ERBB4: variants seen among roughly 807,000 people sequenced by gnomAD.
ERBB4 encodes the protein erb-b2 receptor tyrosine kinase 4.
ERBB4 carries 42 observed loss-of-function variants against 158.0 expected under a neutral mutation model. That is an observed-to-expected ratio of 0.27 (90% confidence interval 0.21 to 0.34). The LOEUF (loss-of-function observed/expected upper bound fraction) is 0.34, where lower values mean the gene tolerates loss of function less well. Among genes scored for constraint, ERBB4 ranks in the 10% least tolerant of loss-of-function variants. The pLI, the probability that ERBB4 is intolerant of heterozygous loss-of-function variation, is 1.00. For missense variants in ERBB4, 1,333 were observed against 1,624.1 expected (o/e 0.82, Z 3.08); for synonymous variants, 583 against 558.7 (o/e 1.04, Z -0.61).
rs962907418 is a variant in ERBB4 at position 211,485,765 on chromosome 2, G to A, written c.2488-54665C>T. 7.9e-5 allele frequency among the ~76,000 whole-genome samples: 12 copies of A among 151,440 alleles called. 1 individual carries two copies. The highest frequency in any genetic ancestry group is 2.9e-4 in the African/African-American group (12 of 41,156). On this transcript the variant is annotated intron_variant, in intron 20 of 27. Transcript: ENST00000342788. Reference sequence around the variant, plus strand: ...GGAGATATACCTAATGTTAAATGACGAGTTAATGGGTGCAGCACACCAGCA... The same window carrying A: ...GGAGATATACCTAATGTTAAATGACAAGTTAATGGGTGCAGCACACCAGCA...
At chr2:212,174,226 CAT>C (rs1195609310) in intron 1 of ERBB4, among the ~76,000 whole-genome samples, 3 of 152,044 alleles carry the variant, frequency 2.0e-5, no homozygotes, top group African/African-American at 7.2e-5. Flanking sequence ...ATACTCTCTA[CAT>C]TTATGATTTT....
chr2:211,673,074 A>G, intron 14 of ERBB4, 90 bp downstream of exon 14: 1 of 1,019,408 alleles, frequency 9.8e-7, no homozygotes, highest in South Asian at 1.3e-5. Flanking sequence ...GTAAGTAGCT[A>G]TTGAATGGAT....
chr2:212,527,479 C>T lies in ERBB4; in HGVS notation c.82+10970G>A, dbSNP rs780570085. On this transcript the variant is annotated intron_variant, in intron 1 of 27. Transcript: ENST00000342788. The stretch of plus-strand genomic sequence containing the variant: ...TACAAAAAAATTGTATAATGACACC[C>T]AAAATTCACAGTTAATGGAAGAGCA... 5.9e-5 allele frequency among the ~76,000 whole-genome samples: 9 copies of T among 151,916 alleles called. No individual in the cohort carries two copies. The South Asian group carries it at 1.5e-3, about 25-fold the overall frequency.
intron 12 of ERBB4, among the ~76,000 whole-genome samples, chr2:211,699,212 A>C (rs775891338): frequency 6.6e-6 from 1 of 152,158 alleles, no homozygotes; most frequent in Non-Finnish European, 1.5e-5. Flanking sequence ...TATGTTTTCT[A>C]GGTGTGTATA....
chr2:211,520,455 G>A (rs2125636767), intron 20 of ERBB4, among the ~76,000 whole-genome samples: 1 of 152,166 alleles, frequency 6.6e-6, no homozygotes, highest in Non-Finnish European at 1.5e-5. Context: ...GGCCTGTTCT[G>A]TACTGCCTGC....
At chr2:212,420,248 T>A (rs914093825) in intron 1 of ERBB4, among the ~76,000 whole-genome samples, 2 of 151,998 alleles carry the variant, frequency 1.3e-5, no homozygotes, top group African/African-American at 4.8e-5. Context: ...TTCCAAGAAG[T>A]AAATTCAAGA....
chr2:211,948,688 A>T (rs1167488319), intron 2 of ERBB4, among the ~76,000 whole-genome samples: 1 of 151,960 alleles, frequency 6.6e-6, no homozygotes, highest in African/African-American at 2.4e-5. Context: ...TAAAAAAAAT[A>T]CTCAAGTATT....
intron 2 of ERBB4, among the ~76,000 whole-genome samples, chr2:212,110,003 C>T: frequency 6.6e-6 from 1 of 152,152 alleles, no homozygotes; most frequent in Middle Eastern, 3.2e-3. Context: ...TGACCTCAAG[C>T]AAGTCAGGTA....
rs201562958 is a variant in ERBB4 at position 212,113,436 on chromosome 2, TG to T, written c.234+11315del. Among the ~76,000 whole-genome samples the T allele has an allele frequency of 9.5e-3, 1,439 of 151,196 alleles. 19 individuals are homozygous for T. Among genetic ancestry groups the T allele is most frequent in the African/African-American group, 0.033 (1,365 of 41,182 alleles). On this transcript the variant is annotated intron_variant, in intron 2 of 27. Coordinates refer to ENST00000342788, the MANE Select transcript of ERBB4 (RefSeq NM_005235.3). ...AAAAATACAAAAAATTAGCTGGGTGTGGTGGTGGATGCCTGCAGTCCCAGCT... is the reference window on the plus strand; with the variant it reads ...AAAAATACAAAAAATTAGCTGGGTGTGTGGTGGATGCCTGCAGTCCCAGCT...
intron 19 of ERBB4, among the ~76,000 whole-genome samples, chr2:211,608,515 T>C (rs1244710941): frequency 1.3e-5 from 2 of 152,180 alleles, no homozygotes; most frequent in African/African-American, 4.8e-5. Context: ...AATAGGCATA[T>C]TAATACTGGT....
At chr2:212,091,461 G>C (rs2078774012) in intron 2 of ERBB4, among the ~76,000 whole-genome samples, 1 of 152,060 alleles carries the variant, frequency 6.6e-6, no homozygotes, top group South Asian at 2.1e-4. Flanking sequence ...CAACTAGAAG[G>C]AATTACCAGG....
At chr2:212,477,144 A>T (rs1384508342) in intron 1 of ERBB4, among the ~76,000 whole-genome samples, 1 of 152,126 alleles carries the variant, frequency 6.6e-6, no homozygotes, top group African/African-American at 2.4e-5. Context: ...AATAATAACT[A>T]CTCAAAACTT....
At chr2:211,647,594 GT>G (rs1484296373) in intron 16 of ERBB4, among the ~76,000 whole-genome samples, 1 of 151,558 alleles carries the variant, frequency 6.6e-6, no homozygotes, top group African/African-American at 2.4e-5. Flanking sequence ...ATGATTAACA[GT>G]TTCTTATCCC....
At chr2:212,171,140 C>T (rs528148703) in intron 1 of ERBB4, among the ~76,000 whole-genome samples, 32 of 152,176 alleles carry the variant, frequency 2.1e-4, no homozygotes, top group African/African-American at 7.0e-4. Context: ...CTCAGCATGA[C>T]GTGGATGTGA....
intron 1 of ERBB4, among the ~76,000 whole-genome samples, chr2:212,226,198 T>C (rs1266249990): frequency 6.6e-6 from 1 of 152,132 alleles, no homozygotes; most frequent in Non-Finnish European, 1.5e-5. Flanking sequence ...CCCAGGCTGT[T>C]GGCCAGTAAG....
At chr2:212,038,811 T>A (rs2077073550) in intron 2 of ERBB4, among the ~76,000 whole-genome samples, 1 of 152,128 alleles carries the variant, frequency 6.6e-6, no homozygotes, top group African/African-American at 2.4e-5. Context: ...CTCAGTTATG[T>A]AAGGAAATGC....
At chr2:212,462,731 A>T (rs1688637487) in intron 1 of ERBB4, among the ~76,000 whole-genome samples, 1 of 152,172 alleles carries the variant, frequency 6.6e-6, no homozygotes, top group African/African-American at 2.4e-5. Context: ...CTACCATATG[A>T]TTCAGCAATT....
intron 20 of ERBB4, among the ~76,000 whole-genome samples, chr2:211,518,943 G>A (rs951897516): frequency 1.3e-5 from 2 of 152,002 alleles, no homozygotes; most frequent in Non-Finnish European, 2.9e-5. Flanking sequence ...TTCCCTAAAA[G>A]GTTAGTCTTC....
chr2:211,731,270 A>C (rs1442645535), intron 5 of ERBB4, among the ~76,000 whole-genome samples: 1 of 152,096 alleles, frequency 6.6e-6, no homozygotes, highest in East Asian at 1.9e-4. Flanking sequence ...ATTTTATTTC[A>C]GTTTTTATTC....
Sources: allele counts gnomAD v4.1 joint callset (sites outside exome capture counted in the v4.1 genomes callset), GRCh38; gene constraint gnomAD v4.1.1; transcripts MANE v1.5; gene names NCBI Gene and HGNC (gene_info 2026-07-23, HGNC 2026-07-21).